The following PPP1R37 variants were observed in gnomAD, a reference collection of about 807,000 sequenced individuals.
PPP1R37 encodes protein phosphatase 1 regulatory subunit 37, also known as leucine rich repeat containing 68.
In PPP1R37, 21 loss-of-function variants were observed where a neutral mutation model predicts 61.0. That is an observed-to-expected ratio of 0.34 (90% CI 0.24 to 0.50). The LOEUF (loss-of-function observed/expected upper bound fraction) is 0.50, where lower values mean the gene tolerates loss of function less well. Among genes scored for constraint, PPP1R37 ranks in the 20% least tolerant of loss-of-function variants. The pLI is 0.98. For synonymous variants in PPP1R37, 443 were observed against 433.5 expected (o/e 1.02, Z -0.27); for missense variants, 910 against 952.7 (o/e 0.96, Z 0.59).
intron 1 of PPP1R37, among the ~76,000 whole-genome samples, chr19:45,105,348 G>GA (rs1968116538): frequency 6.6e-6 from 1 of 152,158 alleles, no homozygotes; most frequent in South Asian, 2.1e-4. Flanking sequence ...TTGACTTGCT[G>GA]GGGGTCATAG....
chr19:45,125,156 A>AGTATC (rs778990016), intron 1 of PPP1R37, among the ~76,000 whole-genome samples: 1 of 152,098 alleles, frequency 6.6e-6, no homozygotes. Context: ...CTCTTTATCA[A>AGTATC]ACAATATCTC....
intron 1 of PPP1R37, chr19:45,100,413 G>C (rs752860822): frequency 7.2e-5 from 11 of 152,220 alleles, no homozygotes; most frequent in Non-Finnish European, 1.5e-4. Context: ...CCATGTGCCT[G>C]TACCAGGCAC....
At chr19:45,103,068 G>C (rs1367212866) in intron 1 of PPP1R37, among the ~76,000 whole-genome samples, 1 of 152,202 alleles carries the variant, frequency 6.6e-6, no homozygotes, top group East Asian at 1.9e-4. Flanking sequence ...GTCCATGAAG[G>C]CAGGACCCAT....
At chr19:45,101,625 G>A (rs1031622945) in intron 1 of PPP1R37, among the ~76,000 whole-genome samples, 1 of 152,256 alleles carries the variant, frequency 6.6e-6, no homozygotes, top group Non-Finnish European at 1.5e-5. Context: ...GGCTGAGGTG[G>A]AAGGATCACT....
intron 1 of PPP1R37, among the ~76,000 whole-genome samples, chr19:45,126,923 G>A (rs910950076): frequency 2.0e-4 from 30 of 152,252 alleles, no homozygotes; most frequent in African/African-American, 7.0e-4. Flanking sequence ...AGGGGCTGGT[G>A]ATGTTGGTTT....
At chr19:45,144,701 G>T (rs917962283) in intron 8 of PPP1R37, 153 bp from the exon 9 acceptor site, 2 of 642,032 alleles carry the variant, frequency 3.1e-6, no homozygotes, top group Non-Finnish European at 5.1e-6. Flanking sequence ...CCAGGCCTGC[G>T]GCAGGGCAGG....
At chr19:45,129,575 G>A (rs139966099) in intron 1 of PPP1R37, among the ~76,000 whole-genome samples, 26 of 152,298 alleles carry the variant, frequency 1.7e-4, no homozygotes, top group Admixed American at 5.9e-4. Context: ...GGGATTACAG[G>A]TGTGAGCCAC....
At chr19:45,116,204 G>A (rs149932907) in intron 1 of PPP1R37, among the ~76,000 whole-genome samples, 63 of 152,342 alleles carry the variant, frequency 4.1e-4, no homozygotes, top group African/African-American at 1.4e-3. Flanking sequence ...TGTTCTGACC[G>A]CATCTGTTTC....
chr19:45,095,916 C>G (rs1967987274), intron 1 of PPP1R37, among the ~76,000 whole-genome samples: 1 of 152,134 alleles, frequency 6.6e-6, no homozygotes, highest in Non-Finnish European at 1.5e-5. Context: ...GGGGAAAGAC[C>G]TGGAGAGGCA....
At chr19:45,111,972 C>T (rs1968206868) in intron 1 of PPP1R37, among the ~76,000 whole-genome samples, 2 of 146,144 alleles carry the variant, frequency 1.4e-5, no homozygotes, top group South Asian at 4.4e-4. Context: ...TCTTTTCTTT[C>T]TTTTTTTTTT....
intron 1 of PPP1R37, among the ~76,000 whole-genome samples, chr19:45,103,281 C>T (rs112153432): frequency 1.1e-4 from 17 of 152,338 alleles, no homozygotes; most frequent in Non-Finnish European, 1.6e-4. Flanking sequence ...CTGCTGACAT[C>T]CGCACAGCTC....
intron 1 of PPP1R37, among the ~76,000 whole-genome samples, chr19:45,126,470 C>G (rs1321945512): frequency 6.6e-6 from 1 of 152,096 alleles, no homozygotes; most frequent in Non-Finnish European, 1.5e-5. Context: ...GCTTCGAGGC[C>G]CGCATGCTGT....
At chr19:45,101,952 T>C (rs1968069533) in intron 1 of PPP1R37, among the ~76,000 whole-genome samples, 1 of 152,204 alleles carries the variant, frequency 6.6e-6, no homozygotes, top group Non-Finnish European at 1.5e-5. Context: ...ATGCCACTGT[T>C]TCCCATAGCA....
chr19:45,142,590 G>C, intron 7 of PPP1R37, 132 bp downstream of exon 7: 1 of 984,332 alleles, frequency 1.0e-6, no homozygotes, highest in Non-Finnish European at 1.5e-6. Flanking sequence ...GCTCCCAGGA[G>C]GAAGACAGAC....
intron 1 of PPP1R37, among the ~76,000 whole-genome samples, chr19:45,135,114 G>A (rs1368696289): frequency 1.3e-5 from 2 of 152,182 alleles, no homozygotes; most frequent in African/African-American, 4.8e-5. Context: ...CAGGTGTGGT[G>A]GCGTGTGCCT....
rs189090755 is a variant in PPP1R37, at chr19:45,126,106, G to A, written c.203-12408G>A. The stretch of plus-strand genomic sequence containing the variant: ...GAGTCCTGCAGAGAGGCCCAGCACC[G>A]GATTCCCAGGCTGCTCCTTGAGACG... On this transcript the variant is annotated intron_variant, in intron 1 of 12. Coordinates refer to ENST00000221462, the MANE Select transcript of PPP1R37 (RefSeq NM_019121.2). 3.3e-5 allele frequency among the ~76,000 whole-genome samples: 5 copies of A among 152,320 alleles called. No homozygotes were observed. In the East Asian group the frequency reaches 5.8e-4, roughly 18 times the overall value.
chr19:45,111,256 T>C (rs1163747519), intron 1 of PPP1R37, among the ~76,000 whole-genome samples: 1 of 138,062 alleles, frequency 7.2e-6, no homozygotes, highest in Non-Finnish European at 1.5e-5. Context: ...CTTCTGCTTT[T>C]TAATTATTAT....
intron 1 of PPP1R37, among the ~76,000 whole-genome samples, chr19:45,138,281 G>A (rs543303516): frequency 5.8e-4 from 88 of 152,300 alleles, no homozygotes; most frequent in African/African-American, 2.1e-3. Flanking sequence ...TGCTTGGAGC[G>A]GAGGTGAGGC....
intron 1 of PPP1R37, among the ~76,000 whole-genome samples, chr19:45,108,011 C>T (rs1402402006): frequency 6.6e-6 from 1 of 152,210 alleles, no homozygotes; most frequent in Non-Finnish European, 1.5e-5. Context: ...TCATGCTCAT[C>T]ACACGGGTAG....
Sources: gnomAD v4.1 joint callset for allele counts (sites outside exome capture counted in the v4.1 genomes callset) on GRCh38, gnomAD v4.1.1 for gene constraint, MANE v1.5 for transcripts, NCBI Gene and HGNC (gene_info 2026-07-23, HGNC 2026-07-21) for gene names.